Variants in ZNF892 observed in about 807,000 individuals in gnomAD.
The protein encoded by ZNF892 is zinc finger protein 570-like.
the ZNF892 span, among the ~76,000 whole-genome samples, chr2:95,229,470 C>T: frequency 6.6e-6 from 1 of 152,168 alleles, no homozygotes; most frequent in African/African-American, 2.4e-5. Context: ...CAATGCCTCA[C>T]CTCCCCATCC....
At chr2:95,219,128 A>G in the ZNF892 span, among the ~76,000 whole-genome samples, 1 of 151,150 alleles carries the variant, frequency 6.6e-6, no homozygotes, top group Non-Finnish European at 1.5e-5. Context: ...CCTCCCAAGT[A>G]GCTGGGCCTA....
chr2:95,221,238 C>T, the ZNF892 span, among the ~76,000 whole-genome samples: 1 of 152,180 alleles, frequency 6.6e-6, no homozygotes, highest in South Asian at 2.1e-4. Context: ...ACATATCCAT[C>T]ATGTATGCTT....
chr2:95,244,026 T>A, the ZNF892 span, among the ~76,000 whole-genome samples: 1 of 151,384 alleles, frequency 6.6e-6, no homozygotes, highest in Non-Finnish European at 1.5e-5. Flanking sequence ...GGGATCCTGT[T>A]GATCTGTGAC....
the ZNF892 span, among the ~76,000 whole-genome samples, chr2:95,262,913 T>C: frequency 1.3e-5 from 2 of 152,194 alleles, no homozygotes; most frequent in African/African-American, 2.4e-5. Flanking sequence ...AACAAACCTA[T>C]TATAGGCAGA....
chr2:95,250,047 G>T, the ZNF892 span, among the ~76,000 whole-genome samples: 1 of 152,050 alleles, frequency 6.6e-6, no homozygotes, highest in Non-Finnish European at 1.5e-5. Context: ...AATTTCATGA[G>T]ACATTAAAGC....
At chr2:95,207,624 G>C in the ZNF892 span, 1 of 392,374 alleles carries the variant, frequency 2.5e-6, no homozygotes, top group Non-Finnish European at 4.5e-6. Flanking sequence ...GTCGAACCCA[G>C]GGTAGAGGAG....
chr2:95,259,955 C>T, the ZNF892 span, among the ~76,000 whole-genome samples: 1 of 152,182 alleles, frequency 6.6e-6, no homozygotes, highest in East Asian at 1.9e-4. Flanking sequence ...GGGAGCCTGA[C>T]ACCACCAGGG....
chr2:95,212,057 C>T, the ZNF892 span: 497 of 396,858 alleles, frequency 1.3e-3, 3 homozygotes, highest in African/African-American at 8.4e-3. Context: ...CCCTATCAAT[C>T]TTCCTACCTC....
the ZNF892 span, among the ~76,000 whole-genome samples, chr2:95,232,773 A>G: frequency 6.6e-6 from 1 of 151,828 alleles, no homozygotes; most frequent in African/African-American, 2.4e-5. Context: ...CTGGTCTTTT[A>G]AATGCTAATA....
the ZNF892 span, among the ~76,000 whole-genome samples, chr2:95,240,905 A>G: frequency 2.0e-5 from 3 of 152,318 alleles, no homozygotes; most frequent in East Asian, 5.8e-4. Flanking sequence ...GACTGTTTTA[A>G]GCAGCACCTT....
chr2:95,259,950 C>T, the ZNF892 span, among the ~76,000 whole-genome samples: 2 of 152,142 alleles, frequency 1.3e-5, no homozygotes, highest in Non-Finnish European at 2.9e-5. Context: ...TCCTGGGGAG[C>T]CTGACACCAC....
chr2:95,252,374 T>C, the ZNF892 span, among the ~76,000 whole-genome samples: 2 of 152,082 alleles, frequency 1.3e-5, no homozygotes, highest in East Asian at 3.9e-4. Context: ...CTGAGAATGA[T>C]GGTTTCCAGC....
the ZNF892 span, among the ~76,000 whole-genome samples, chr2:95,231,817 C>G: frequency 2.1e-4 from 32 of 152,108 alleles, no homozygotes; most frequent in African/African-American, 7.5e-4. Flanking sequence ...TCAGCCTCAC[C>G]AGGTGGCAGT....
chr2:95,209,912 A>G, the ZNF892 span, among the ~76,000 whole-genome samples: 1 of 152,190 alleles, frequency 6.6e-6, no homozygotes, highest in Admixed American at 6.5e-5. Context: ...GGGATTTCTT[A>G]CTTGAAGTGT....
chr2:95,246,207 C>G, the ZNF892 span, among the ~76,000 whole-genome samples: 1 of 152,142 alleles, frequency 6.6e-6, no homozygotes, highest in South Asian at 2.1e-4. Flanking sequence ...AAGGTTGGTT[C>G]AACATATGCA....
chr2:95,212,518 G>A, the ZNF892 span, among the ~76,000 whole-genome samples: 6 of 152,210 alleles, frequency 3.9e-5, no homozygotes, highest in African/African-American at 1.4e-4. Context: ...AAGGTAAAAT[G>A]AAACCAACAT....
the ZNF892 span, among the ~76,000 whole-genome samples, chr2:95,248,525 G>A: frequency 6.6e-6 from 1 of 152,148 alleles, no homozygotes; most frequent in Non-Finnish European, 1.5e-5. Context: ...AAAAGAACAC[G>A]AAGCACAACA....
the ZNF892 span, among the ~76,000 whole-genome samples, chr2:95,235,204 G>A: frequency 5.3e-5 from 8 of 152,104 alleles, no homozygotes; most frequent in African/African-American, 7.2e-5. Flanking sequence ...ATAATTGGAC[G>A]CCTAGTCTCT....
the ZNF892 span, among the ~76,000 whole-genome samples, chr2:95,219,941 C>T: frequency 3.3e-5 from 5 of 152,186 alleles, no homozygotes; most frequent in South Asian, 2.1e-4. Context: ...TACATGGCCT[C>T]GATTGACAGC....
Sources: gnomAD v4.1 joint callset for allele counts (sites outside exome capture counted in the v4.1 genomes callset) on GRCh38, gnomAD v4.1.1 for gene constraint, MANE v1.5 for transcripts, NCBI Gene and HGNC (gene_info 2026-07-23, HGNC 2026-07-21) for gene names.